Variants in PCDH9 observed in about 807,000 individuals in gnomAD.
PCDH9 encodes protocadherin-9.
PCDH9 carries 24 observed loss-of-function variants against 70.6 expected under a neutral mutation model. The ratio of observed to expected loss-of-function variants is 0.34; its 90% confidence interval spans 0.25 to 0.48. The LOEUF is 0.48. Among genes scored for constraint, PCDH9 ranks in the 20% least tolerant of loss-of-function variants. The probability of loss-of-function intolerance (pLI) is 0.99; values close to 1 mark genes in which losing one functional copy is unlikely to be tolerated. For missense variants in PCDH9, 1,281 were observed against 1,503.6 expected (o/e 0.85, Z 2.45); for synonymous variants, 562 against 558.5 (o/e 1.01, Z -0.09).
At chr13:67,099,693 C>G (rs927656487) in intron 2 of PCDH9, among the ~76,000 whole-genome samples, 2 of 152,058 alleles carry the variant, frequency 1.3e-5, no homozygotes, top group East Asian at 1.9e-4. Flanking sequence ...ACAACAGGAC[C>G]GAGCAGAACT....
At chr13:66,557,060 A>G (rs1237059845) in intron 4 of PCDH9, among the ~76,000 whole-genome samples, 1 of 152,212 alleles carries the variant, frequency 6.6e-6, no homozygotes, top group African/African-American at 2.4e-5. Context: ...TACAAATTAC[A>G]AAGGAGCTCA....
intron 3 of PCDH9, among the ~76,000 whole-genome samples, chr13:66,664,633 A>C (rs1156774319): frequency 6.6e-6 from 1 of 152,168 alleles, no homozygotes; most frequent in Non-Finnish European, 1.5e-5. Context: ...TTTTCCAAAA[A>C]ATGGAAAACG....
intron 2 of PCDH9, among the ~76,000 whole-genome samples, chr13:67,041,369 A>G (rs1291380228): frequency 6.6e-6 from 1 of 152,238 alleles, no homozygotes; most frequent in East Asian, 1.9e-4. Context: ...AGGAGAAACC[A>G]TAAGTAATGA....
intron 2 of PCDH9, among the ~76,000 whole-genome samples, chr13:66,973,093 C>T (rs1282294938): frequency 2.0e-5 from 3 of 151,956 alleles, no homozygotes; most frequent in African/African-American, 7.2e-5. Flanking sequence ...TGCTACCTGG[C>T]TTCCTTTGAA....
chr13:66,741,909 C>T (rs937386736), intron 3 of PCDH9, among the ~76,000 whole-genome samples: 1 of 149,734 alleles, frequency 6.7e-6, no homozygotes, highest in African/African-American at 2.5e-5. Context: ...TGAAAACGGC[C>T]ATACTGCCCA....
intron 3 of PCDH9, among the ~76,000 whole-genome samples, chr13:66,855,840 A>G (rs948762068): frequency 2.0e-5 from 3 of 151,978 alleles, no homozygotes; most frequent in Non-Finnish European, 4.4e-5. Flanking sequence ...AAAAACTCAT[A>G]TACTATCTAC....
intron 4 of PCDH9, among the ~76,000 whole-genome samples, chr13:66,377,284 G>C (rs1297936933): frequency 6.6e-6 from 1 of 152,000 alleles, no homozygotes; most frequent in Non-Finnish European, 1.5e-5. Context: ...GAAGCACCTG[G>C]GGGGCTTGTT....
chr13:66,918,339 C>T lies in PCDH9; in HGVS notation c.3037-14734G>A, dbSNP rs190268565. 2.3e-3 allele frequency among the ~76,000 whole-genome samples: 352 copies of T among 151,182 alleles called. 1 individual carries two copies. Among genetic ancestry groups the T allele is most frequent in the African/African-American group, 7.5e-3 (312 of 41,402 alleles). The stretch of plus-strand genomic sequence containing the variant: ...TGTTTCTCCTTGGTTTCCACGAGAT[C>T]GCTATTTTAATTTAGCTAGTGTAAG... On this transcript the variant is annotated intron_variant, in intron 2 of 4. Coordinates refer to ENST00000377865, the MANE Select transcript of PCDH9 (RefSeq NM_203487.3).
chr13:66,874,122 GT>G (rs2081752637), intron 3 of PCDH9, among the ~76,000 whole-genome samples: 1 of 151,484 alleles, frequency 6.6e-6, no homozygotes, highest in African/African-American at 2.4e-5. Flanking sequence ...TGTATTTTTA[GT>G]AGGGACAGTA....
chr13:66,953,292 C>A (rs1332716684), intron 2 of PCDH9, among the ~76,000 whole-genome samples: 3 of 152,108 alleles, frequency 2.0e-5, no homozygotes, highest in African/African-American at 7.2e-5. Flanking sequence ...AAGCTACATG[C>A]CAGAGTACTG....
intron 3 of PCDH9, among the ~76,000 whole-genome samples, chr13:66,878,452 C>G (rs115184740): frequency 1.3e-5 from 2 of 152,052 alleles, no homozygotes; most frequent in African/African-American, 2.4e-5. Context: ...GTCTGGAACT[C>G]CTGAACTCAG....
At chr13:66,657,381 A>T (rs2077946566) in intron 3 of PCDH9, among the ~76,000 whole-genome samples, 1 of 152,172 alleles carries the variant, frequency 6.6e-6, no homozygotes, top group Non-Finnish European at 1.5e-5. Flanking sequence ...AAGTCACTTA[A>T]TCATACGGGA....
chr13:66,877,315 A>G (rs1404370478), intron 3 of PCDH9, among the ~76,000 whole-genome samples: 1 of 151,546 alleles, frequency 6.6e-6, no homozygotes. Flanking sequence ...AGAAATAATA[A>G]AGCAAAATTT....
intron 3 of PCDH9, among the ~76,000 whole-genome samples, chr13:66,819,299 C>T (rs1160241937): frequency 3.4e-5 from 5 of 148,432 alleles, no homozygotes; most frequent in African/African-American, 9.9e-5. Context: ...TTTCCACTTG[C>T]TTCCTCCCAA....
At chr13:66,816,858 T>G (rs2080614388) in intron 3 of PCDH9, among the ~76,000 whole-genome samples, 1 of 150,812 alleles carries the variant, frequency 6.6e-6, no homozygotes, top group African/African-American at 2.4e-5. Context: ...AAAACAAGGT[T>G]TTTTTTTTGG....
intron 4 of PCDH9, among the ~76,000 whole-genome samples, chr13:66,324,059 T>G (rs1955799350): frequency 6.6e-6 from 1 of 152,050 alleles, no homozygotes; most frequent in Admixed American, 6.6e-5. Context: ...CTGGCCACAA[T>G]TTTGCTCTAG....
At chr13:66,691,129 C>T (rs1022267217) in intron 3 of PCDH9, among the ~76,000 whole-genome samples, 1 of 152,048 alleles carries the variant, frequency 6.6e-6, no homozygotes, top group Non-Finnish European at 1.5e-5. Flanking sequence ...CCTCTGCCAC[C>T]CAGGTTCAAG....
At chr13:66,875,197 A>G (rs1417251674) in intron 3 of PCDH9, among the ~76,000 whole-genome samples, 3 of 152,204 alleles carry the variant, frequency 2.0e-5, no homozygotes, top group African/African-American at 7.2e-5. Flanking sequence ...TCAAACAGCA[A>G]GATGACTTTG....
At chr13:66,656,737 T>C (rs915003303) in intron 3 of PCDH9, among the ~76,000 whole-genome samples, 1 of 152,198 alleles carries the variant, frequency 6.6e-6, no homozygotes, top group Non-Finnish European at 1.5e-5. Flanking sequence ...CACTAGAGAA[T>C]ATTCTGACAA....
Sources: gnomAD v4.1 joint callset for allele counts (sites outside exome capture counted in the v4.1 genomes callset) on GRCh38, gnomAD v4.1.1 for gene constraint, MANE v1.5 for transcripts, NCBI Gene and HGNC (gene_info 2026-07-23, HGNC 2026-07-21) for gene names.